Variants in PCDHA6 observed in about 807,000 individuals in gnomAD.
PCDHA6 encodes the protein protocadherin alpha 6.
In PCDHA6, 55 loss-of-function variants were observed where a neutral mutation model predicts 60.3. The observed-to-expected ratio is 0.91, with a 90% CI of 0.73 to 1.14. The LOEUF is 1.14. Ranked by LOEUF, PCDHA6 falls within the 50% of genes most tolerant of loss-of-function variation. PCDHA6 has a pLI of 0.00. For missense variants in PCDHA6, 1,327 were observed against 1,256.5 expected (o/e 1.06, Z -0.85); for synonymous variants, 652 against 557.9 (o/e 1.17, Z -2.38).
At chr5:140,970,948 C>T (rs1339410112) in intron 1 of PCDHA6, among the ~76,000 whole-genome samples, 1 of 152,114 alleles carries the variant, frequency 6.6e-6, no homozygotes, top group Non-Finnish European at 1.5e-5. Context: ...TGCTGAGAAA[C>T]CATGGGAGGC....
At chr5:140,831,548 A>G in intron 1 of PCDHA6, among the ~76,000 whole-genome samples, 1 of 127,154 alleles carries the variant, frequency 7.9e-6, no homozygotes, top group Non-Finnish European at 1.6e-5. Flanking sequence ...TTTTTTTAAG[A>G]GATGGGGTTT....
Position 140,850,830 on chromosome 5 carries a change from T to C in PCDHA6, c.2394+20345T>C. On this transcript the variant is annotated intron_variant, in intron 1 of 3. Coordinates refer to ENST00000529310, the MANE Select transcript of PCDHA6 (RefSeq NM_018909.4). ...GGCCTTCAGCCCGGGCCTTTCTCCTTGTGCTGGATCTACAGAGCGAACGGG... is the reference window on the plus strand; with the variant it reads ...GGCCTTCAGCCCGGGCCTTTCTCCTCGTGCTGGATCTACAGAGCGAACGGG... 1.9e-6 allele frequency: 3 copies of C among 1,598,162 alleles called. 1 individual carries two copies. The highest frequency in any genetic ancestry group is 2.6e-6 in the Non-Finnish European group (3 of 1,167,540).
chr5:140,834,321 A>T (rs1412819527), intron 1 of PCDHA6: 1 of 1,440,210 alleles, frequency 6.9e-7, no homozygotes, highest in Non-Finnish European at 9.4e-7. Context: ...TGAAGGGATA[A>T]AAACATTCCT....
In PCDHA6 at chr5:140,851,279, A is replaced by G. The variant is rs1554145338; in HGVS notation, c.2394+20794A>G. On this transcript the variant is annotated intron_variant, in intron 1 of 3. Transcript: ENST00000529310. ...ATTTTAGTCTACTTGTATTGTTTAT[A>G]AGAAACCCAAGCAAAAATATATAGC... 2.9e-6 allele frequency: 3 copies of G among 1,045,342 alleles called. 1 individual carries two copies. In the African/African-American group the frequency reaches 5.0e-5, roughly 17 times the overall value. The allele number at this position is 1,045,342 out of a possible 1,614,324, so 64.8% of individuals were successfully genotyped here.
At chr5:140,869,882 T>C (rs1181573683) in intron 1 of PCDHA6, 1 of 1,610,250 alleles carries the variant, frequency 6.2e-7, no homozygotes, top group African/African-American at 1.3e-5. Flanking sequence ...AAAGAAACTC[T>C]TGTGCTCAAA....
chr5:140,836,550 T>G, intron 1 of PCDHA6: 1 of 1,613,712 alleles, frequency 6.2e-7, no homozygotes, highest in Non-Finnish European at 8.5e-7. Context: ...GGCGTTGCGG[T>G]GCTCAGCGCC....
rs2150365344 is a variant in PCDHA6 at position 140,843,702 on chromosome 5, A to C, written c.2394+13217A>C. ...GGCGAAGAGCAAGATTTAAATGTTG[A>C]TCATGGCCTCAAAGTAAGTCCATTT... On this transcript the variant is annotated intron_variant, in intron 1 of 3. Transcript: ENST00000529310. 12 of 1,580,560 alleles carry C rather than the reference A, an allele frequency of 7.6e-6. 1 individual carries two copies. In the African/African-American group the frequency reaches 1.5e-4, roughly 20 times the overall value.
In PCDHA6 at chr5:140,841,811, G is replaced by A. The variant is rs2150323241; in HGVS notation, c.2394+11326G>A. The A allele has an allele frequency of 3.1e-6, 5 of 1,613,790 alleles. No individual in the cohort carries two copies. In the African/African-American group the frequency reaches 6.7e-5, roughly 22 times the overall value. On this transcript the variant is annotated intron_variant, in intron 1 of 3. Coordinates refer to ENST00000529310, the MANE Select transcript of PCDHA6 (RefSeq NM_018909.4). The stretch of plus-strand genomic sequence containing the variant: ...GGGCGCGTCCGATGCAGATGTTGGA[G>A]CTAACTCCGTGTTAACCTACAGGCT...
chr5:140,955,677 G>A (rs989922322), intron 1 of PCDHA6, among the ~76,000 whole-genome samples: 6 of 151,960 alleles, frequency 3.9e-5, no homozygotes, highest in African/African-American at 1.2e-4. Context: ...TAGTTTTTTC[G>A]AAATCTGTGA....
intron 3 of PCDHA6, among the ~76,000 whole-genome samples, chr5:141,006,729 T>A (rs1554260883): frequency 2.0e-5 from 3 of 151,948 alleles, no homozygotes; most frequent in Non-Finnish European, 4.4e-5. Flanking sequence ...AAATGACAGG[T>A]CTTGATGATG....
At chr5:140,876,164 C>T (rs1554168313) in intron 1 of PCDHA6, 2 of 1,613,950 alleles carry the variant, frequency 1.2e-6, no homozygotes, top group South Asian at 1.1e-5. Flanking sequence ...ATTCAAATAA[C>T]CGTCCTGGAT....
Position 140,946,611 on chromosome 5 carries a change from AAT to A in PCDHA6, c.2395-32318_2395-32317del, listed in dbSNP as rs1554217734. On this transcript the variant is annotated intron_variant, in intron 1 of 3. Coordinates refer to ENST00000529310, the MANE Select transcript of PCDHA6 (RefSeq NM_018909.4). ...GGATGAATAGATAAAGAAAATGTGA[AAT>A]ATATATATATATATATATACAATGG... is the stretch of plus-strand genomic sequence containing the variant. 5.8e-3 allele frequency among the ~76,000 whole-genome samples: 503 copies of A among 86,618 alleles called. 18 individuals are homozygous for A. The highest frequency in any genetic ancestry group is 0.022 in the Middle Eastern group (4 of 186). The allele number at this position is 86,618 out of a possible 152,430, so 56.8% of individuals were successfully genotyped here. A position where few individuals can be genotyped will look rare whatever the true frequency, so the allele number is the denominator to read the frequency against.
At chr5:140,835,742 G>T in intron 1 of PCDHA6, 1 of 1,613,670 alleles carries the variant, frequency 6.2e-7, no homozygotes, top group Non-Finnish European at 8.5e-7. Flanking sequence ...ACAACGCCCC[G>T]GCGTTCGCGC....
intron 1 of PCDHA6, chr5:140,967,728 G>T: frequency 6.2e-7 from 1 of 1,614,176 alleles, no homozygotes; most frequent in East Asian, 2.2e-5. Context: ...CGAGTAATTG[G>T]GGGGCTGGAT....
chr5:140,967,185 A>G, intron 1 of PCDHA6: 1 of 1,613,242 alleles, frequency 6.2e-7, no homozygotes, highest in Non-Finnish European at 8.5e-7. Context: ...GAAATATTGG[A>G]CATCAACGAC....
chr5:140,876,922 G>C (rs1554169106), intron 1 of PCDHA6: 6 of 1,613,906 alleles, frequency 3.7e-6, no homozygotes, highest in African/African-American at 2.7e-5. Context: ...GGACGCGGAC[G>C]CGCAGAAGAA....
intron 3 of PCDHA6, among the ~76,000 whole-genome samples, chr5:140,996,041 C>T (rs2097709262): frequency 6.6e-6 from 1 of 152,224 alleles, no homozygotes; most frequent in African/African-American, 2.4e-5. Context: ...TAGCACTTAA[C>T]ACAGTGCTTG....
chr5:140,928,258 G>A lies in PCDHA6; in HGVS notation c.2395-50691G>A, dbSNP rs782503341. 15 of 1,614,094 alleles carry A rather than the reference G, an allele frequency of 9.3e-6. No individual in the cohort carries two copies. The Admixed American group carries it at 2.0e-4, about 22-fold the overall frequency. On this transcript the variant is annotated intron_variant, in intron 1 of 3. Transcript: ENST00000529310. The stretch of plus-strand genomic sequence containing the variant: ...ACCCCAGCAGGAACTTTTCGTTGCT[G>A]AAAACAATGGCCCTGGGGCCTCTCT...
intron 1 of PCDHA6, among the ~76,000 whole-genome samples, chr5:140,934,548 ATT>A (rs1290393008): frequency 1.3e-5 from 2 of 152,018 alleles, no homozygotes; most frequent in African/African-American, 2.4e-5. Context: ...TAATTCTATC[ATT>A]TCTTCTTTTT....
Sources: allele counts gnomAD v4.1 joint callset (sites outside exome capture counted in the v4.1 genomes callset), GRCh38; gene constraint gnomAD v4.1.1; transcripts MANE v1.5; gene names NCBI Gene and HGNC (gene_info 2026-07-23, HGNC 2026-07-21).